Variants in TLE1 observed in about 807,000 individuals in gnomAD.
TLE1 encodes TLE family member 1, transcriptional corepressor.
A neutral mutation model predicts 89.8 loss-of-function variants in TLE1; 21 were observed. The observed-to-expected ratio is 0.23, with a 90% CI of 0.17 to 0.34. TLE1 has a LOEUF of 0.34. Ranked by LOEUF, TLE1 falls within the 10% of genes least tolerant of loss-of-function variation. The probability of loss-of-function intolerance (pLI) is 1.00; values close to 1 mark genes in which losing one functional copy is unlikely to be tolerated. For missense variants in TLE1, 795 were observed against 1,031.2 expected (o/e 0.77, Z 3.14); for synonymous variants, 447 against 407.6 (o/e 1.10, Z -1.16).
intron 6 of TLE1, among the ~76,000 whole-genome samples, chr9:81,637,133 G>GT (rs1346158820): frequency 6.6e-6 from 1 of 152,198 alleles, no homozygotes; most frequent in African/African-American, 2.4e-5. Flanking sequence ...TGAGGCGGGT[G>GT]TAACACTTGA....
chr9:81,645,587 A>T (rs541405459), intron 6 of TLE1, among the ~76,000 whole-genome samples: 1 of 151,824 alleles, frequency 6.6e-6, no homozygotes, highest in African/African-American at 2.4e-5. Context: ...CTAAAAATAC[A>T]AAATTAGCCA....
At chr9:81,621,812 T>C (rs1297973205) in intron 8 of TLE1, among the ~76,000 whole-genome samples, 1 of 152,080 alleles carries the variant, frequency 6.6e-6, no homozygotes, top group African/African-American at 2.4e-5. Flanking sequence ...AAATCAAAAC[T>C]GAGGACCGGA....
At chr9:81,673,506 T>C (rs1832512186) in intron 4 of TLE1, among the ~76,000 whole-genome samples, 1 of 152,090 alleles carries the variant, frequency 6.6e-6, no homozygotes, top group Non-Finnish European at 1.5e-5. Flanking sequence ...GACTGCTATT[T>C]AGATCACAGC....
At chr9:81,587,946 G>GTC in intron 16 of TLE1, 118 bp from the exon 17 acceptor site, 1 of 1,160,688 alleles carries the variant, frequency 8.6e-7, no homozygotes, top group Non-Finnish European at 1.2e-6. Flanking sequence ...GTGTGTGTGT[G>GTC]ATCCCGCCAG....
At chr9:81,584,729 C>T (rs1423350616) in intron 18 of TLE1, among the ~76,000 whole-genome samples, 1 of 152,052 alleles carries the variant, frequency 6.6e-6, no homozygotes, top group Non-Finnish European at 1.5e-5. Flanking sequence ...GAGGTATCAG[C>T]CTCCTTAGTC....
At chr9:81,592,163 T>C (rs923065097) in intron 15 of TLE1, among the ~76,000 whole-genome samples, 75 of 152,036 alleles carry the variant, frequency 4.9e-4, no homozygotes, top group African/African-American at 5.3e-4. Context: ...TCGAGACCAT[T>C]CTGGCTAACA....
intron 4 of TLE1, among the ~76,000 whole-genome samples, chr9:81,661,200 G>A (rs558784445): frequency 2.3e-5 from 1 of 42,968 alleles, no homozygotes; most frequent in Admixed American, 3.1e-4. Context: ...ATATATATAT[G>A]TATTTTTATA....
At chr9:81,672,894 G>A (rs1832403484) in intron 4 of TLE1, among the ~76,000 whole-genome samples, 1 of 152,104 alleles carries the variant, frequency 6.6e-6, no homozygotes, top group South Asian at 2.1e-4. Context: ...TATTCTTACT[G>A]ATAGTTACAT....
At chr9:81,589,490 C>T (rs564536058) in intron 16 of TLE1, among the ~76,000 whole-genome samples, 6 of 152,258 alleles carry the variant, frequency 3.9e-5, no homozygotes, top group Admixed American at 1.3e-4. Context: ...TAAGACGCTA[C>T]CCCATTCTAT....
At chr9:81,596,474 A>G (rs1300292868) in intron 14 of TLE1, among the ~76,000 whole-genome samples, 1 of 152,200 alleles carries the variant, frequency 6.6e-6, no homozygotes, top group Non-Finnish European at 1.5e-5. Context: ...ATTCACCTAC[A>G]ATAATAACAG....
At chr9:81,601,746 G>T (rs1830953992) in intron 14 of TLE1, among the ~76,000 whole-genome samples, 1 of 152,150 alleles carries the variant, frequency 6.6e-6, no homozygotes, top group African/African-American at 2.4e-5. Context: ...AGCCTTGAGG[G>T]TATGAAAACA....
chr9:81,608,711 C>A (rs1482991999), intron 14 of TLE1, among the ~76,000 whole-genome samples: 1 of 152,030 alleles, frequency 6.6e-6, no homozygotes, highest in East Asian at 1.9e-4. Context: ...CTGAGCAGGG[C>A]AGATCAGCTG....
chr9:81,628,153 C>A (rs1826126552), intron 8 of TLE1, among the ~76,000 whole-genome samples: 1 of 152,214 alleles, frequency 6.6e-6, no homozygotes, highest in South Asian at 2.1e-4. Context: ...TCACTGCCGT[C>A]TTGCTACTCT....
chr9:81,671,054 G>A (rs1209138592), intron 4 of TLE1, among the ~76,000 whole-genome samples: 1 of 152,056 alleles, frequency 6.6e-6, no homozygotes, highest in Non-Finnish European at 1.5e-5. Flanking sequence ...TGTAATCCCA[G>A]CTACTTGGGA....
At chr9:81,614,647 AG>A (rs1236082768) in intron 11 of TLE1, among the ~76,000 whole-genome samples, 2 of 152,152 alleles carry the variant, frequency 1.3e-5, no homozygotes, top group African/African-American at 4.8e-5. Flanking sequence ...TACCGGGACC[AG>A]GTAAGGATTA....
intron 4 of TLE1, among the ~76,000 whole-genome samples, chr9:81,674,311 T>TTC (rs1361470362): frequency 1.3e-5 from 2 of 152,222 alleles, no homozygotes; most frequent in Non-Finnish European, 2.9e-5. Flanking sequence ...CTGGCCACTG[T>TTC]ACTTATAAGA....
chr9:81,665,520 GA>G (rs957373900), intron 4 of TLE1, among the ~76,000 whole-genome samples: 84 of 148,300 alleles, frequency 5.7e-4, no homozygotes, highest in South Asian at 4.3e-4. Context: ...AGAAAGGAAG[GA>G]AAAAAAAAAC....
intron 6 of TLE1, among the ~76,000 whole-genome samples, chr9:81,649,652 C>T (rs1829294286): frequency 6.6e-6 from 1 of 152,106 alleles, no homozygotes; most frequent in Admixed American, 6.5e-5. Context: ...TGTTCTTTAC[C>T]CTAAGTCGGC....
At chr9:81,685,257 T>TA (rs1196499029) in intron 4 of TLE1, among the ~76,000 whole-genome samples, 4 of 151,818 alleles carry the variant, frequency 2.6e-5, no homozygotes, top group Admixed American at 6.6e-5. Flanking sequence ...TTACCACGAT[T>TA]AAAAAAAACT....
Sources: gnomAD v4.1 joint callset for allele counts (sites outside exome capture counted in the v4.1 genomes callset) on GRCh38, gnomAD v4.1.1 for gene constraint, MANE v1.5 for transcripts, NCBI Gene and HGNC (gene_info 2026-07-23, HGNC 2026-07-21) for gene names.